The following MAGI1 variants were observed in gnomAD, a reference collection of about 807,000 sequenced individuals.
The protein encoded by MAGI1 is membrane-associated guanylate kinase, WW and PDZ domain-containing protein 1.
Under a neutral mutation model 139.9 loss-of-function variants are expected in MAGI1, and 58 were observed. That is an observed-to-expected ratio of 0.41 (90% CI 0.34 to 0.52). The LOEUF is 0.52. Ranked by LOEUF, MAGI1 falls within the 20% of genes least tolerant of loss-of-function variation. The pLI, the probability that MAGI1 is intolerant of heterozygous loss-of-function variation, is 0.12. For synonymous variants in MAGI1, 812 were observed against 737.9 expected, an observed-to-expected ratio of 1.10 and a Z score of -1.63; for missense variants, 1,874 against 1,901.6, an observed-to-expected ratio of 0.99 and a Z score of 0.27.
intron 18 of MAGI1, among the ~76,000 whole-genome samples, chr3:65,365,522 T>C (rs796636412): frequency 9.8e-5 from 15 of 152,334 alleles, no homozygotes; most frequent in African/African-American, 3.6e-4. Context: ...TCTTGTTTGG[T>C]ATCACTCATG....
At chr3:65,967,754 A>C (rs1560065093) in intron 1 of MAGI1, among the ~76,000 whole-genome samples, 1 of 152,228 alleles carries the variant, frequency 6.6e-6, no homozygotes, top group Non-Finnish European at 1.5e-5. Context: ...ACTGGCAAGC[A>C]CCCAAGGCAA....
rs558869957 is a variant in MAGI1, at chr3:65,658,308, T to G, written c.314-36220A>C. Among the ~76,000 whole-genome samples, 74 of 152,256 alleles carry G rather than the reference T, an allele frequency of 4.9e-4. No homozygotes were observed. The Middle Eastern group carries it at 0.01, about 21-fold the overall frequency. On this transcript the variant is annotated intron_variant, in intron 1 of 22. Coordinates refer to ENST00000402939, the MANE Select transcript of MAGI1 (RefSeq NM_001033057.2). ...TTTAATAAGGACGCGATGGACCAAA[T>G]AGCAATACATCAGTACAGGAACAAA...
At chr3:65,956,512 T>A (rs995635784) in intron 1 of MAGI1, among the ~76,000 whole-genome samples, 4 of 152,184 alleles carry the variant, frequency 2.6e-5, no homozygotes, top group Non-Finnish European at 4.4e-5. Flanking sequence ...ATTCAGAGTT[T>A]CTGGCTCTAA....
chr3:65,986,766 G>A (rs544699993), intron 1 of MAGI1, among the ~76,000 whole-genome samples: 5 of 152,148 alleles, frequency 3.3e-5, no homozygotes, highest in South Asian at 4.2e-4. Context: ...ATAGTCCAAC[G>A]GTCTTCTTAC....
chr3:65,700,128 G>C (rs2089495395), intron 1 of MAGI1, among the ~76,000 whole-genome samples: 1 of 152,108 alleles, frequency 6.6e-6, no homozygotes, highest in African/African-American at 2.4e-5. Flanking sequence ...TTCCTTATAA[G>C]ATGGTTGAGA....
intron 1 of MAGI1, among the ~76,000 whole-genome samples, chr3:65,756,272 G>T (rs2036557522): frequency 6.6e-6 from 1 of 152,152 alleles, no homozygotes; most frequent in Non-Finnish European, 1.5e-5. Context: ...GAAAAAAATT[G>T]TGTGCATTTT....
chr3:65,782,454 A>G (rs2039007558), intron 1 of MAGI1, among the ~76,000 whole-genome samples: 1 of 152,174 alleles, frequency 6.6e-6, no homozygotes, highest in Admixed American at 6.5e-5. Context: ...GAACTGTAAG[A>G]TAATAAGTAC....
At chr3:66,006,195 C>A (rs1261697310) in intron 1 of MAGI1, among the ~76,000 whole-genome samples, 1 of 152,156 alleles carries the variant, frequency 6.6e-6, no homozygotes, top group East Asian at 1.9e-4. Context: ...CAGACAGGAA[C>A]CAGCAACCAG....
intron 12 of MAGI1, among the ~76,000 whole-genome samples, chr3:65,402,740 G>A (rs939887857): frequency 6.6e-6 from 1 of 152,172 alleles, no homozygotes; most frequent in Non-Finnish European, 1.5e-5. Context: ...GGTGAGTAAG[G>A]AGGAAGCAGC....
At chr3:65,933,029 T>C (rs747055329) in intron 1 of MAGI1, among the ~76,000 whole-genome samples, 24 of 152,252 alleles carry the variant, frequency 1.6e-4, no homozygotes, top group African/African-American at 2.4e-4. Context: ...AAATGCTCCA[T>C]TGAAAATCAG....
At chr3:65,698,587 C>G (rs1007593786) in intron 1 of MAGI1, among the ~76,000 whole-genome samples, 17 of 152,140 alleles carry the variant, frequency 1.1e-4, no homozygotes, top group African/African-American at 4.1e-4. Flanking sequence ...CTACAACTAT[C>G]TGATCTTTGA....
At chr3:65,556,914 A>C (rs1373935954) in intron 2 of MAGI1, among the ~76,000 whole-genome samples, 1 of 152,136 alleles carries the variant, frequency 6.6e-6, no homozygotes, top group Non-Finnish European at 1.5e-5. Flanking sequence ...TGTTCTGCTC[A>C]ATCCGTACTG....
chr3:65,449,827 G>C (rs535107492), intron 6 of MAGI1, among the ~76,000 whole-genome samples: 2 of 152,036 alleles, frequency 1.3e-5, no homozygotes, highest in Non-Finnish European at 2.9e-5. Flanking sequence ...CAAATCCAAG[G>C]CTCACACAAA....
intron 1 of MAGI1, among the ~76,000 whole-genome samples, chr3:65,700,380 G>A (rs1349822717): frequency 4.6e-5 from 7 of 151,958 alleles, no homozygotes; most frequent in South Asian, 2.1e-4. Flanking sequence ...CCCAGGAGGC[G>A]GAGGTCACAA....
At chr3:65,362,252 T>C (rs375440784) in intron 21 of MAGI1, among the ~76,000 whole-genome samples, 3 of 152,214 alleles carry the variant, frequency 2.0e-5, no homozygotes, top group Non-Finnish European at 2.9e-5. Flanking sequence ...AAACCTGTCA[T>C]GTAAACTATA....
chr3:65,773,554 G>A (rs1039923670), intron 1 of MAGI1, among the ~76,000 whole-genome samples: 4 of 151,884 alleles, frequency 2.6e-5, no homozygotes, highest in Non-Finnish European at 5.9e-5. Context: ...AAAAAAGAGT[G>A]GGGGTGGGAT....
chr3:66,013,630 G>A (rs549170199), intron 1 of MAGI1, among the ~76,000 whole-genome samples: 3 of 150,990 alleles, frequency 2.0e-5, no homozygotes, highest in South Asian at 2.1e-4. Context: ...TCGTGGTGGC[G>A]GGCACCTGTA....
chr3:65,478,835 G>C (rs775580306), intron 3 of MAGI1, 37 bp from the exon 4 acceptor site: 2 of 1,504,034 alleles, frequency 1.3e-6, no homozygotes, highest in South Asian at 2.3e-5. Context: ...TGTTTCAAAA[G>C]GAATACTTTG....
At chr3:65,470,213 C>T (rs1294197194) in intron 5 of MAGI1, 70 bp downstream of exon 5, 1 of 1,087,642 alleles carries the variant, frequency 9.2e-7, no homozygotes, top group Non-Finnish European at 1.4e-6. Context: ...ACATTGGCAA[C>T]TGCTAGACAG....
Sources: gnomAD v4.1 joint callset for allele counts (sites outside exome capture counted in the v4.1 genomes callset) on GRCh38, gnomAD v4.1.1 for gene constraint, MANE v1.5 for transcripts, NCBI Gene and HGNC (gene_info 2026-07-23, HGNC 2026-07-21) for gene names.